Variants in RFX7 observed in about 807,000 individuals in gnomAD.
RFX7 encodes the protein regulatory factor X7.
RFX7 carries 26 observed loss-of-function variants against 111.8 expected under a neutral mutation model. The observed-to-expected ratio is 0.23, with a 90% CI of 0.17 to 0.32. RFX7 has a LOEUF of 0.32. Ranked by LOEUF, RFX7 falls within the 10% of genes least tolerant of loss-of-function variation. The pLI is 1.00. For missense variants in RFX7, 1,573 were observed against 1,772.9 expected (o/e 0.89, Z 2.02); for synonymous variants, 624 against 624.4 (o/e 1.00, Z 0.01).
chr15:56,091,377 A>G lies in RFX7; in HGVS notation c.*1968T>C, dbSNP rs2041593816. The G allele has an allele frequency of 6.6e-6, 1 of 152,564 alleles. No homozygotes were observed. Among genetic ancestry groups the G allele is most frequent in the Non-Finnish European group, 1.5e-5 (1 of 67,980 alleles). 9.5% of individuals were successfully genotyped at this position (152,564 alleles called of 1,614,324 possible). ...ATTTAGTGCAATATATGAACCCCAG[A>G]AAGTTTGCTGGACGAATTCAACCAA... On this transcript the variant is annotated 3_prime_UTR_variant, in exon 10 of 10. Coordinates refer to ENST00000559447, the MANE Select transcript of RFX7 (RefSeq NM_022841.7).
At chr15:56,145,746 T>C (rs2042459479) in intron 3 of RFX7, among the ~76,000 whole-genome samples, 3 of 152,242 alleles carry the variant, frequency 2.0e-5, no homozygotes, top group Admixed American at 2.0e-4. Context: ...TTTAGCCCTC[T>C]AACACTCTGC....
intron 3 of RFX7, among the ~76,000 whole-genome samples, chr15:56,162,409 G>C (rs576703890): frequency 3.3e-5 from 5 of 151,988 alleles, no homozygotes. Context: ...TTCCATCAGA[G>C]CACACTTTTG....
Position 56,137,089 on chromosome 15 carries a change from G to C in RFX7, c.401+5689C>G, listed in dbSNP as rs1424643457. ...TGGTCTAAAATTCTTTTTTTGTTATGTCTCTGTCAGGCTTTGGTATCAGAA... is the reference window on the plus strand; with the variant it reads ...TGGTCTAAAATTCTTTTTTTGTTATCTCTCTGTCAGGCTTTGGTATCAGAA... On this transcript the variant is annotated intron_variant, in intron 5 of 9. Transcript: ENST00000559447. Among the ~76,000 whole-genome samples, 3 of 152,096 alleles carry C rather than the reference G, an allele frequency of 2.0e-5. No homozygotes were observed. In the East Asian group the frequency reaches 5.8e-4, roughly 29 times the overall value.
intron 3 of RFX7, among the ~76,000 whole-genome samples, chr15:56,177,592 T>G (rs2042916026): frequency 6.6e-6 from 1 of 152,156 alleles, no homozygotes; most frequent in Non-Finnish European, 1.5e-5. Context: ...AACTTTGTTC[T>G]TATTTAGTAT....
chr15:56,175,164 A>G (rs1299884723), intron 3 of RFX7, among the ~76,000 whole-genome samples: 2 of 152,204 alleles, frequency 1.3e-5, no homozygotes, highest in East Asian at 3.8e-4. Context: ...AAAACAATGG[A>G]TAACAAAAAT....
intron 2 of RFX7, among the ~76,000 whole-genome samples, chr15:56,228,860 T>C (rs1247909571): frequency 6.6e-6 from 1 of 152,184 alleles, no homozygotes; most frequent in East Asian, 1.9e-4. Flanking sequence ...TTTTTTCCTG[T>C]ACATACCTAT....
At position 56,224,976 on chromosome 15, in the gene RFX7, T is replaced by C. The variant is rs187894225; in HGVS notation, c.161+18149A>G. Among the ~76,000 whole-genome samples, 104 of 152,260 alleles carry C rather than the reference T, an allele frequency of 6.8e-4. 1 individual carries two copies. The highest frequency in any genetic ancestry group is 2.4e-3 in the African/African-American group (98 of 41,572). On this transcript the variant is annotated intron_variant, in intron 2 of 9. Coordinates refer to ENST00000559447, the MANE Select transcript of RFX7 (RefSeq NM_022841.7). ...CTTAAATAATCCTCCTGCTGATTTGTTGATGCCTCCTTTATCACTGATTTG... is the reference window on the plus strand; with the variant it reads ...CTTAAATAATCCTCCTGCTGATTTGCTGATGCCTCCTTTATCACTGATTTG...
At chr15:56,231,461 C>T (rs140751507) in intron 2 of RFX7, among the ~76,000 whole-genome samples, 19,823 of 152,134 alleles carry the variant, frequency 0.13, 1,694 homozygotes, top group East Asian at 0.44. Context: ...CCTTATAAAA[C>T]CATTAGATCT....
At chr15:56,179,125 C>A in intron 3 of RFX7, 145 bp downstream of exon 3, 1 of 330,334 alleles carries the variant, frequency 3.0e-6, no homozygotes, top group Non-Finnish European at 5.8e-6. Context: ...AACAATTCAC[C>A]CGAGGGGGCT....
intron 5 of RFX7, among the ~76,000 whole-genome samples, chr15:56,121,634 ACCT>A (rs2042080093): frequency 6.6e-6 from 1 of 151,686 alleles, no homozygotes. Flanking sequence ...CTCTCTGTCT[ACCT>A]CCTCTTTAAG....
chr15:56,189,910 TC>T (rs1440641778), intron 2 of RFX7: 6 of 152,234 alleles, frequency 3.9e-5, no homozygotes, highest in Admixed American at 3.9e-4. Context: ...GTTCATAGCA[TC>T]TTTATAATTC....
Position 56,093,312 on chromosome 15 carries a change from AGATAC to A in RFX7, c.*28_*32del. 6.5e-7 allele frequency: 1 copy of A among 1,533,016 alleles called. No individual in the cohort carries two copies. The highest frequency in any genetic ancestry group is 8.8e-7 in the Non-Finnish European group (1 of 1,132,186). 95.0% of individuals were successfully genotyped at this position (1,533,016 alleles called of 1,614,324 possible). A position where few individuals can be genotyped will look rare whatever the true frequency, so the allele number is the denominator to read the frequency against. On this transcript the variant is annotated 3_prime_UTR_variant, in exon 10 of 10. Transcript: ENST00000559447. The stretch of plus-strand genomic sequence containing the variant: ...AGACAAATACAATACATATGTCTTT[AGATAC>A]AGTGTGCTACATGTTATAAAACACA...
In RFX7 at chr15:56,144,502, A is replaced by T. The variant is rs148415007; in HGVS notation, c.196-19T>A. On this transcript the variant is annotated intron_variant, in intron 3 of 9. Transcript: ENST00000559447. ...CTTCTTGCTATTTACAAAGGATTAA[A>T]AAGAAAGATCATTTTTAAAAAACAC... 3.3e-4 allele frequency: 431 copies of T among 1,311,418 alleles called. 4 individuals carry two copies. The African/African-American group carries it at 6.0e-3, about 18-fold the overall frequency. 81.2% of individuals were successfully genotyped at this position (1,311,418 alleles called of 1,614,324 possible). A position where few individuals can be genotyped will look rare whatever the true frequency, so the allele number is the denominator to read the frequency against.
intron 5 of RFX7, among the ~76,000 whole-genome samples, chr15:56,118,133 A>G (rs1165948478): frequency 6.6e-6 from 1 of 152,136 alleles, no homozygotes; most frequent in Non-Finnish European, 1.5e-5. Context: ...TGTAATAATC[A>G]TATCAGGGTA....
chr15:56,140,766 T>A (rs1380788579), intron 5 of RFX7, among the ~76,000 whole-genome samples: 5 of 152,282 alleles, frequency 3.3e-5, no homozygotes, highest in Admixed American at 2.6e-4. Flanking sequence ...TAACTTTTTT[T>A]AGAAAAAAAA....
intron 5 of RFX7, among the ~76,000 whole-genome samples, chr15:56,119,933 G>A (rs1212701230): frequency 2.0e-5 from 3 of 152,048 alleles, no homozygotes; most frequent in African/African-American, 7.2e-5. Context: ...TAATTTGAAG[G>A]TAATGTGATT....
intron 4 of RFX7, 121 bp from the exon 5 acceptor site, chr15:56,143,021 C>T: frequency 4.0e-6 from 4 of 999,074 alleles, no homozygotes; most frequent in Non-Finnish European, 5.8e-6. Flanking sequence ...CCAAACCAAA[C>T]TTAGGACATC....
intron 5 of RFX7, among the ~76,000 whole-genome samples, chr15:56,110,320 G>T (rs1471548614): frequency 2.2e-5 from 2 of 89,146 alleles, no homozygotes; most frequent in African/African-American, 7.9e-5. Context: ...AGGGAGGTGG[G>T]GGGGGGGTCA....
At chr15:56,107,820 C>A (rs998478472) in intron 5 of RFX7, among the ~76,000 whole-genome samples, 10 of 151,940 alleles carry the variant, frequency 6.6e-5, no homozygotes, top group Admixed American at 2.6e-4. Flanking sequence ...CCACTGATCC[C>A]ACAGATAAAA....
Sources: allele counts gnomAD v4.1 joint callset (sites outside exome capture counted in the v4.1 genomes callset), GRCh38; gene constraint gnomAD v4.1.1; transcripts MANE v1.5; gene names NCBI Gene and HGNC (gene_info 2026-07-23, HGNC 2026-07-21).